Variants in FOXP1 observed in about 807,000 individuals in gnomAD.
The protein encoded by FOXP1 is forkhead box P1.
A neutral mutation model predicts 98.2 loss-of-function variants in FOXP1; 15 were observed. The observed-to-expected ratio is 0.15, with a 90% CI of 0.10 to 0.24. FOXP1 has a LOEUF of 0.24. FOXP1 is among the 10% of genes least tolerant of loss of function. The pLI, the probability that FOXP1 is intolerant of heterozygous loss-of-function variation, is 1.00. For missense variants in FOXP1, 633 were observed against 848.5 expected (o/e 0.75, Z 3.15); for synonymous variants, 371 against 314.5 (o/e 1.18, Z -1.90).
chr3:71,582,586 A>G (rs1357167809), intron 1 of FOXP1: 1 of 985,148 alleles, frequency 1.0e-6, no homozygotes, highest in African/African-American at 1.7e-5. Context: ...AGCTTGGGAA[A>G]TCTCCCCGTC....
At chr3:71,539,303 A>C (rs1340356533) in intron 2 of FOXP1, among the ~76,000 whole-genome samples, 1 of 125,936 alleles carries the variant, frequency 7.9e-6, no homozygotes, top group African/African-American at 3.1e-5. Flanking sequence ...TTTGTATGTT[A>C]GTAGAGATGG....
chr3:71,324,653 T>C (rs1419193661), intron 4 of FOXP1, among the ~76,000 whole-genome samples: 2 of 151,948 alleles, frequency 1.3e-5, no homozygotes, highest in East Asian at 1.9e-4. Flanking sequence ...CATTAGGAGA[T>C]ATACCTAATG....
At chr3:71,444,526 T>A (rs928212246) in intron 3 of FOXP1, among the ~76,000 whole-genome samples, 1 of 152,044 alleles carries the variant, frequency 6.6e-6, no homozygotes, top group Non-Finnish European at 1.5e-5. Context: ...CTGGCTCCAA[T>A]CGCCTTTCAA....
At chr3:71,495,136 G>A (rs1392670991) in intron 2 of FOXP1, among the ~76,000 whole-genome samples, 2 of 152,152 alleles carry the variant, frequency 1.3e-5, no homozygotes, top group African/African-American at 2.4e-5. Flanking sequence ...TTTCAAGCAA[G>A]GCAAGTGTCT....
intron 5 of FOXP1, among the ~76,000 whole-genome samples, chr3:71,202,228 G>T (rs1422362353): frequency 6.6e-6 from 1 of 152,224 alleles, no homozygotes; most frequent in Non-Finnish European, 1.5e-5. Flanking sequence ...GAGAGTGCAG[G>T]CTTTGGGACC....
chr3:71,367,428 G>A (rs553266009), intron 3 of FOXP1, among the ~76,000 whole-genome samples: 1 of 152,202 alleles, frequency 6.6e-6, no homozygotes, highest in South Asian at 2.1e-4. Flanking sequence ...GGTTTACAAG[G>A]TCCTGTATGA....
chr3:71,202,062 C>G, intron 5 of FOXP1, among the ~76,000 whole-genome samples: 1 of 152,146 alleles, frequency 6.6e-6, no homozygotes, highest in South Asian at 2.1e-4. Flanking sequence ...TGGTGAGACA[C>G]CATTCTGGTG....
chr3:71,356,877 C>A (rs930689466), intron 4 of FOXP1, among the ~76,000 whole-genome samples: 1 of 152,132 alleles, frequency 6.6e-6, no homozygotes, highest in Admixed American at 6.5e-5. Context: ...ATTATTAATA[C>A]AAAGCATAGG....
chr3:71,539,343 G>A (rs1240358240), intron 2 of FOXP1, among the ~76,000 whole-genome samples: 1 of 145,550 alleles, frequency 6.9e-6, no homozygotes, highest in Non-Finnish European at 1.5e-5. Context: ...GGATGGTCTC[G>A]ATCTCCTGAC....
intron 2 of FOXP1, among the ~76,000 whole-genome samples, chr3:71,577,145 T>C (rs2047785215): frequency 6.6e-6 from 1 of 152,174 alleles, no homozygotes; most frequent in Admixed American, 6.5e-5. Context: ...AAAAATGCCT[T>C]AGCACAAACT....
intron 3 of FOXP1, among the ~76,000 whole-genome samples, chr3:71,466,038 C>T (rs2088694306): frequency 6.6e-6 from 1 of 152,136 alleles, no homozygotes; most frequent in African/African-American, 2.4e-5. Flanking sequence ...TCCCCGGTGC[C>T]AAAAAGGTTG....
intron 5 of FOXP1, among the ~76,000 whole-genome samples, chr3:71,219,451 A>C (rs2065191889): frequency 6.6e-6 from 1 of 152,234 alleles, no homozygotes; most frequent in African/African-American, 2.4e-5. Flanking sequence ...TTTAAAAACC[A>C]ATACCTAATT....
intron 7 of FOXP1, among the ~76,000 whole-genome samples, chr3:71,074,560 G>C (rs957464678): frequency 6.6e-6 from 1 of 152,028 alleles, no homozygotes; most frequent in African/African-American, 2.4e-5. Flanking sequence ...TCTTGAAGCC[G>C]GTCAGTGGGG....
chr3:71,360,735 G>A (rs1038729443), intron 3 of FOXP1: 6 of 152,166 alleles, frequency 3.9e-5, no homozygotes, highest in Non-Finnish European at 8.8e-5. Flanking sequence ...GTACATGTAC[G>A]TCTGTGTGCA....
At chr3:71,155,530 C>A (rs10433504) in intron 6 of FOXP1, among the ~76,000 whole-genome samples, 127,216 of 152,156 alleles carry the variant, frequency 0.84, 53,437 homozygotes, top group East Asian at 0.9. Flanking sequence ...CTCAAGAGCC[C>A]CATGGGACCA....
intron 4 of FOXP1, among the ~76,000 whole-genome samples, chr3:71,323,721 T>C (rs988938858): frequency 2.0e-5 from 3 of 152,176 alleles, no homozygotes; most frequent in African/African-American, 7.2e-5. Context: ...TTTTCACGAG[T>C]ACTTATGCAA....
intron 14 of FOXP1, among the ~76,000 whole-genome samples, chr3:70,982,220 G>C (rs191223220): frequency 4.0e-4 from 61 of 152,322 alleles, no homozygotes; most frequent in Middle Eastern, 3.4e-3. Context: ...ATGGGGAATG[G>C]TGTGTGTTTT....
intron 13 of FOXP1, among the ~76,000 whole-genome samples, chr3:70,998,552 C>G (rs2041699066): frequency 1.3e-5 from 2 of 152,158 alleles, no homozygotes; most frequent in Non-Finnish European, 2.9e-5. Context: ...TCCATTACGG[C>G]AAACTCCCCG....
In FOXP1 at chr3:71,399,039, A is replaced by T. The variant is rs111658350; in HGVS notation, c.-167-39795T>A. Among the ~76,000 whole-genome samples, 298 of 152,338 alleles carry T rather than the reference A, an allele frequency of 2.0e-3. 1 individual carries two copies. The highest frequency in any genetic ancestry group is 6.9e-3 in the African/African-American group (288 of 41,578). ...AAGCATTTAATAGCTTGATTTAGAC[A>T]TAAAAGTTATTTGTGATGCCTCGCT... On this transcript the variant is annotated intron_variant, in intron 3 of 20. Transcript: ENST00000649528.
Sources: gnomAD v4.1 joint callset for allele counts (sites outside exome capture counted in the v4.1 genomes callset) on GRCh38, gnomAD v4.1.1 for gene constraint, MANE v1.5 for transcripts, NCBI Gene and HGNC (gene_info 2026-07-23, HGNC 2026-07-21) for gene names.